Variants in ALMS1 observed in about 807,000 individuals in gnomAD.
ALMS1 encodes ALMS1 centrosome and basal body associated protein.
ALMS1 carries 271 observed loss-of-function variants against 352.2 expected under a neutral mutation model. The ratio of observed to expected loss-of-function variants is 0.77; its 90% CI spans 0.70 to 0.85. The LOEUF is 0.85. Among genes scored for constraint, ALMS1 ranks in the 40% least tolerant of loss-of-function variants. The pLI, the probability that ALMS1 is intolerant of heterozygous loss-of-function variation, is 0.00. For synonymous variants in ALMS1, 1,865 were observed against 1,761.2 expected (o/e 1.06, Z -1.48); for missense variants, 5,445 against 4,870.7 (o/e 1.12, Z -3.51).
At chr2:73,539,666 A>G (rs1230266130) in intron 12 of ALMS1, among the ~76,000 whole-genome samples, 3 of 152,246 alleles carry the variant, frequency 2.0e-5, no homozygotes, top group African/African-American at 7.2e-5. Context: ...TAACCAATGC[A>G]GAGAAGTCCT....
At chr2:73,491,664 AAG>A (rs1165212063) in intron 10 of ALMS1, among the ~76,000 whole-genome samples, 166 bp downstream of exon 10, 12 of 152,090 alleles carry the variant, frequency 7.9e-5, no homozygotes, top group African/African-American at 2.2e-4. Flanking sequence ...TGTGTTAAGT[AAG>A]AGAGAACATG....
At chr2:73,422,740 C>A in intron 3 of ALMS1, 117 bp from the exon 4 acceptor site, 1 of 853,504 alleles carries the variant, frequency 1.2e-6, no homozygotes, top group Non-Finnish European at 2.0e-6. Context: ...TATTATTATT[C>A]TAATGCTTGT....
chr2:73,444,780 G>A (rs1339015710), intron 7 of ALMS1, among the ~76,000 whole-genome samples: 1 of 152,136 alleles, frequency 6.6e-6, no homozygotes, highest in African/African-American at 2.4e-5. Context: ...CAAAAATCCT[G>A]TTTGAACTGT....
Position 73,448,717 on chromosome 2 carries a change from CGCAGACAG to C in ALMS1, c.2191_2198del (p.Ala731SerfsTer4), listed in dbSNP as rs747431281. The stretch of plus-strand genomic sequence containing the variant: ...CTGGTATTTTTTACCAACAAGAGTT[CGCAGACAG>C]TCATCAAACTGAAGAGACTCTTACT... On this transcript the variant is annotated frameshift_variant, in exon 8 of 23. Transcript: ENST00000613296. LOFTEE classifies it high-confidence loss of function. 3.1e-6 allele frequency: 5 copies of C among 1,613,624 alleles called. No homozygotes were observed. In the South Asian group the frequency reaches 5.5e-5, roughly 18 times the overall value.
Position 73,455,419 on chromosome 2 carries a change from T to G in ALMS1, c.7674+124T>G, listed in dbSNP as rs1672039431. ...TTGGCTAAAGCCTTTTTTGGTTTTG[T>G]TTTTGAGACAGTCTTGCTCTGTTGC... On this transcript the variant is annotated intron_variant, in intron 9 of 22. Coordinates refer to ENST00000613296, the MANE Select transcript of ALMS1 (RefSeq NM_001378454.1). The G allele has an allele frequency of 2.4e-6, 3 of 1,259,002 alleles. No individual in the cohort carries two copies. In the Admixed American group the frequency reaches 5.9e-5, roughly 25 times the overall value. 78.0% of individuals were successfully genotyped at this position (1,259,002 alleles called of 1,614,324 possible). A position where few individuals can be genotyped will look rare whatever the true frequency, so the allele number is the denominator to read the frequency against.
intron 12 of ALMS1, among the ~76,000 whole-genome samples, chr2:73,538,709 C>T (rs1674088177): frequency 6.6e-6 from 1 of 152,164 alleles, no homozygotes; most frequent in Non-Finnish European, 1.5e-5. Context: ...TTCCAACGGG[C>T]TTAAAAAATG....
Position 73,603,323 on chromosome 2 carries a change from G to T in ALMS1, c.12362+19G>T. ...CCAAACGGTAAGACCAAGAAAACAA[G>T]AGTACGTATACAAGTGTAAACCAGG... On this transcript the variant is annotated intron_variant, in intron 21 of 22. Transcript: ENST00000613296. 6.2e-7 allele frequency: 1 copy of T among 1,612,788 alleles called. No homozygotes were observed. The highest frequency in any genetic ancestry group is 8.5e-7 in the Non-Finnish European group (1 of 1,179,124).
intron 9 of ALMS1, among the ~76,000 whole-genome samples, chr2:73,478,880 C>T (rs1375006350): frequency 1.3e-5 from 2 of 152,012 alleles, no homozygotes; most frequent in Non-Finnish European, 1.5e-5. Context: ...TGATGTTCCC[C>T]TCCCTGTGTC....
intron 10 of ALMS1, among the ~76,000 whole-genome samples, chr2:73,502,928 C>T (rs183202175): frequency 6.6e-6 from 1 of 152,028 alleles, no homozygotes; most frequent in Non-Finnish European, 1.5e-5. Context: ...TTTGGGAATA[C>T]GTTGTTGACC....
intron 22 of ALMS1, among the ~76,000 whole-genome samples, 177 bp downstream of exon 22, chr2:73,608,751 A>C (rs899176942): frequency 6.6e-6 from 1 of 152,236 alleles, no homozygotes; most frequent in Non-Finnish European, 1.5e-5. Flanking sequence ...TTAGACTTCA[A>C]ATCAGGTTTA....
chr2:73,421,092 A>G (rs114340357), intron 3 of ALMS1, among the ~76,000 whole-genome samples: 1,571 of 152,298 alleles, frequency 0.01, 38 homozygotes, highest in African/African-American at 0.036. Context: ...CTGCTCCTTT[A>G]GCAAATACAT....
intron 1 of ALMS1, among the ~76,000 whole-genome samples, chr2:73,400,180 A>C (rs978172901): frequency 6.6e-6 from 1 of 152,098 alleles, no homozygotes. Context: ...TCCTGAGCTC[A>C]AGTGATCTGC....
At position 73,448,275 on chromosome 2, in the gene ALMS1, T is replaced by G; in HGVS notation, c.1748T>G (p.Ile583Ser). Reference protein sequence around the residue: ...SSHSHRGKPSIFYQQGLPDSH... With the variant: ...SSHSHRGKPSSFYQQGLPDSH... ...CACTCACATAGGGGGAAGCCCAGCA[T>G]TTTCTACCAGCAGGGCTTGCCAGAC... Residue 583 changes from isoleucine (I) to serine (S), a missense_variant, in exon 8 of 23, where the codon ATT becomes AGT. Ile to Ser is a moderately radical substitution (Grantham distance 142). Transcript: ENST00000613296. 6.2e-7 allele frequency: 1 copy of G among 1,613,988 alleles called. No homozygotes were observed. Among genetic ancestry groups the G allele is most frequent in the Non-Finnish European group, 8.5e-7 (1 of 1,179,934 alleles).
chr2:73,580,040 A>T (rs1170470078), intron 16 of ALMS1, among the ~76,000 whole-genome samples: 1 of 151,992 alleles, frequency 6.6e-6, no homozygotes, highest in Non-Finnish European at 1.5e-5. Flanking sequence ...GTATCCTACA[A>T]GTCTCTTAAG....
chr2:73,523,815 C>T (rs1303138432), intron 11 of ALMS1, among the ~76,000 whole-genome samples: 2 of 151,848 alleles, frequency 1.3e-5, no homozygotes, highest in African/African-American at 2.4e-5. Context: ...GAGGAGAGCT[C>T]ATTCTACTCC....
At chr2:73,458,606 G>A (rs1267505566) in intron 9 of ALMS1, 1 of 152,208 alleles carries the variant, frequency 6.6e-6, no homozygotes, top group Non-Finnish European at 1.5e-5. Flanking sequence ...TGAGAAAGAG[G>A]TATTGAATTA....
chr2:73,425,011 AAG>A, intron 5 of ALMS1, 109 bp downstream of exon 5: 1 of 935,288 alleles, frequency 1.1e-6, no homozygotes, highest in Non-Finnish European at 1.6e-6. Flanking sequence ...CCATGGAACA[AAG>A]AGGGAACTTT....
In ALMS1 at chr2:73,490,492, A is replaced by G. The variant is rs1057524748; in HGVS notation, c.8533A>G (p.Ile2845Val). 6.2e-7 allele frequency: 1 copy of G among 1,614,074 alleles called. No homozygotes were observed. The highest frequency in any genetic ancestry group is 1.3e-5 in the African/African-American group (1 of 74,932). ...TCAGATTTCTGATAACCATACCCTT[A>G]TTAGCATGGGCAGACCAAGTTCCAC... ...EIQISDNHTLISMGRPSSTLG... is the reference protein window; with the variant it reads ...EIQISDNHTLVSMGRPSSTLG... The change falls in exon 10 of 23, where the codon ATT (isoleucine) becomes GTT (valine). Residue 2845 changes from isoleucine (I) to valine (V), a missense_variant. Ile to Val is a conservative substitution (Grantham distance 29). Transcript: ENST00000613296.
At position 73,490,869 on chromosome 2, in the gene ALMS1, A is replaced by C. The variant is rs2103893881; in HGVS notation, c.8910A>C (p.Gln2970His). The C allele has an allele frequency of 1.9e-6, 3 of 1,613,984 alleles. No individual in the cohort carries two copies. The highest frequency in any genetic ancestry group is 2.5e-6 in the Non-Finnish European group (3 of 1,180,012). ...LPSPISLEQC[Q>H]SKAPGVDDQM... ...CTCCCATTTCTCTTGAACAATGCCA[A>C]AGCAAAGCGCCAGGTGTAGATGACC... Residue 2970 changes from glutamine to histidine, a missense_variant, in exon 10 of 23, where the codon CAA (glutamine) becomes CAC (histidine). Gln to His is a conservative substitution (Grantham distance 24). Transcript: ENST00000613296.
Sources: allele counts gnomAD v4.1 joint callset (sites outside exome capture counted in the v4.1 genomes callset), GRCh38; gene constraint gnomAD v4.1.1; transcripts MANE v1.5; gene names NCBI Gene and HGNC (gene_info 2026-07-23, HGNC 2026-07-21).